Variants in CDC6 observed in about 807,000 individuals in gnomAD.
CDC6 encodes the protein cell division cycle 6.
Under a neutral mutation model 60.2 loss-of-function variants are expected in CDC6, and 46 were observed. That is an observed-to-expected ratio of 0.76 (90% CI 0.60 to 0.98). CDC6 has a LOEUF of 0.98. Ranked by LOEUF, CDC6 falls within the 50% of genes least tolerant of loss-of-function variation. The pLI is 0.00. For missense variants in CDC6, 596 were observed against 652.9 expected, an observed-to-expected ratio of 0.91 and a Z score of 0.95; for synonymous variants, 210 against 233.2, an observed-to-expected ratio of 0.90 and a Z score of 0.90.
rs139640991 is a variant in CDC6 at position 40,303,058 on chromosome 17, T to A, written c.*1057T>A. The A allele has an allele frequency of 7.0e-4, 106 of 152,340 alleles. No homozygotes were observed. Among genetic ancestry groups the A allele is most frequent in the African/African-American group, 2.4e-3 (98 of 41,570 alleles). 9.4% of individuals were successfully genotyped at this position (152,340 alleles called of 1,614,324 possible). A position where few individuals can be genotyped will look rare whatever the true frequency, so the allele number is the denominator to read the frequency against. On this transcript the variant is annotated 3_prime_UTR_variant, in exon 12 of 12. Coordinates refer to ENST00000209728, the MANE Select transcript of CDC6 (RefSeq NM_001254.4). ...TTGTTTCAAGATGACTACTTTGGGG[T>A]TGGGTTTTCATCTAAACACATTTTT...
chr17:40,303,921 C>T lies in CDC6; in HGVS notation c.*1920C>T, dbSNP rs574161059. 3 of 152,222 alleles carry T rather than the reference C, an allele frequency of 2.0e-5. No homozygotes were observed. Among genetic ancestry groups the T allele is most frequent in the Non-Finnish European group, 2.9e-5 (2 of 68,046 alleles). 9.4% of individuals were successfully genotyped at this position (152,222 alleles called of 1,614,324 possible). A position where few individuals can be genotyped will look rare whatever the true frequency, so the allele number is the denominator to read the frequency against. ...TCTGTGTCCACAGTAGGATCCTGCC[C>T]AATAAGGAGCAGCCTCCCCACCTCA... On this transcript the variant is annotated 3_prime_UTR_variant, in exon 12 of 12. Coordinates refer to ENST00000209728, the MANE Select transcript of CDC6 (RefSeq NM_001254.4).
intron 9 of CDC6, among the ~76,000 whole-genome samples, chr17:40,297,493 G>A (rs1184227686): frequency 6.6e-6 from 1 of 152,188 alleles, no homozygotes; most frequent in Non-Finnish European, 1.5e-5. Context: ...GGAGGCCAAA[G>A]GGAGGGAGAG....
In CDC6 at chr17:40,302,508, C is replaced by T. The variant is rs1476232149; in HGVS notation, c.*507C>T. On this transcript the variant is annotated 3_prime_UTR_variant, in exon 12 of 12. Coordinates refer to ENST00000209728, the MANE Select transcript of CDC6 (RefSeq NM_001254.4). ...TAGCTGGGATTACAGGTGCCCACCA[C>T]CGCGCCCAGCTAATTTTTTAATTTT... 1 of 156,708 alleles carries T rather than the reference C, an allele frequency of 6.4e-6. No homozygotes were observed. 9.7% of individuals were successfully genotyped at this position (156,708 alleles called of 1,614,324 possible).
intron 11 of CDC6, 29 bp from the exon 12 acceptor site, chr17:40,301,883 T>C (rs758034043): frequency 2.1e-6 from 3 of 1,401,608 alleles, no homozygotes; most frequent in South Asian, 2.3e-5. Flanking sequence ...AGTTCCCCAG[T>C]GTGAAAAATC....
At chr17:40,288,297 G>A (rs2032692833) in intron 1 of CDC6, among the ~76,000 whole-genome samples, 1 of 152,244 alleles carries the variant, frequency 6.6e-6, no homozygotes, top group African/African-American at 2.4e-5. Flanking sequence ...AGACTGAGCT[G>A]CAGTGTGAGG....
At chr17:40,300,067 A>AT (rs2032915482) in intron 9 of CDC6, among the ~76,000 whole-genome samples, 4 of 151,596 alleles carry the variant, frequency 2.6e-5, no homozygotes, top group South Asian at 4.2e-4. Context: ...GGTTCAAGTG[A>AT]TTCTTCTGCC....
chr17:40,294,831 T>C (rs1250017438), intron 7 of CDC6, among the ~76,000 whole-genome samples: 3 of 151,884 alleles, frequency 2.0e-5, no homozygotes, highest in African/African-American at 4.8e-5. Context: ...TTCAAGCGAT[T>C]CTCCTGCCTC....
At chr17:40,289,703 C>CTTTTTTTTTTTTTT (rs34020648) in intron 2 of CDC6, 105 bp downstream of exon 2, 1 of 244,860 alleles carries the variant, frequency 4.1e-6, no homozygotes, top group Non-Finnish European at 7.5e-6. Context: ...GTTAAGACTT[C>CTTTTTTTTTTTTTT]TTTTTTTTTT....
intron 10 of CDC6, 93 bp downstream of exon 10, chr17:40,301,123 G>C (rs1466014611): frequency 2.3e-6 from 2 of 884,388 alleles, no homozygotes; most frequent in Non-Finnish European, 3.8e-6. Context: ...TACTTCAGCT[G>C]ATAATAAATT....
chr17:40,299,010 A>G (rs566717327), intron 9 of CDC6, among the ~76,000 whole-genome samples: 1 of 152,198 alleles, frequency 6.6e-6, no homozygotes, highest in South Asian at 2.1e-4. Context: ...TGGTAATGTA[A>G]TATTATAGAA....
Position 40,292,924 on chromosome 17 carries a change from C to T in CDC6, c.661-532C>T, listed in dbSNP as rs576544009. On this transcript the variant is annotated intron_variant, in intron 4 of 11. Transcript: ENST00000209728. ...CAGCATGGGCGACAGAGCAAGACTC[C>T]GTCTCAAAAAAAAAAAGAGTTAAGA... 3.2e-4 allele frequency among the ~76,000 whole-genome samples: 48 copies of T among 150,570 alleles called. 2 individuals are homozygous for T. In the South Asian group the frequency reaches 7.3e-3, roughly 23 times the overall value.
rs767496521 is a variant in CDC6, at chr17:40,300,920, T to C, written c.1342T>C (p.Leu448=). 29 of 1,613,930 alleles carry C rather than the reference T, an allele frequency of 1.8e-5. No homozygotes were observed. Among genetic ancestry groups the C allele is most frequent in the Admixed American group, 1.3e-4 (8 of 60,002 alleles). ...AGAAGTTGATGGTAACAGGATGACC[T>C]TGAGCCAAGAAGGAGCACAAGATTC... ...ISEVDGNRMT[L]SQEGAQDSFP... Residue 448 remains leucine (L), a synonymous_variant, in exon 10 of 12, where the codon TTG becomes CTG. Coordinates refer to ENST00000209728, the MANE Select transcript of CDC6 (RefSeq NM_001254.4).
intron 8 of CDC6, among the ~76,000 whole-genome samples, chr17:40,295,695 C>A (rs2032848655): frequency 6.6e-6 from 1 of 151,850 alleles, no homozygotes; most frequent in African/African-American, 2.4e-5. Flanking sequence ...GCTGGCACTC[C>A]CTGTGGTGAT....
chr17:40,294,452 A>G lies in CDC6; in HGVS notation c.1032A>G (p.Pro344=), dbSNP rs771147868. Residue 344 remains proline, a synonymous_variant, in exon 7 of 12, where the codon CCA becomes CCG. Coordinates refer to ENST00000209728, the MANE Select transcript of CDC6 (RefSeq NM_001254.4). The part of the protein sequence containing the change: ...EKCKPQLLNF[P]PYTRNQIVTI... ...GTAAGCCACAGCTGTTGAACTTCCC[A>G]CCTTATACCAGAAATCAGATAGTCA... The G allele has an allele frequency of 8.7e-6, 14 of 1,613,932 alleles. No individual in the cohort carries two copies. The highest frequency in any genetic ancestry group is 1.2e-5 in the Non-Finnish European group (14 of 1,179,820).
At chr17:40,293,824 G>C in intron 5 of CDC6, 126 bp from the exon 6 acceptor site, 1 of 938,108 alleles carries the variant, frequency 1.1e-6, no homozygotes, top group Non-Finnish European at 1.8e-6. Flanking sequence ...GCAGTAACTA[G>C]AGATAGGTTA....
At chr17:40,298,183 T>G (rs563743410) in intron 9 of CDC6, among the ~76,000 whole-genome samples, 201 of 152,316 alleles carry the variant, frequency 1.3e-3, no homozygotes, top group Non-Finnish European at 2.4e-3. Context: ...TAGTAGGCAA[T>G]ATATACCAAT....
chr17:40,292,756 C>A (rs1476656107), intron 4 of CDC6, among the ~76,000 whole-genome samples: 1 of 151,092 alleles, frequency 6.6e-6, no homozygotes, highest in Non-Finnish European at 1.5e-5. Context: ...AGTGAAACCC[C>A]GTCTCTACTA....
chr17:40,293,543 A>C lies in CDC6; in HGVS notation c.748A>C (p.Ile250Leu). The C allele has an allele frequency of 6.2e-7, 1 of 1,613,828 alleles. No individual in the cohort carries two copies. The highest frequency in any genetic ancestry group is 8.5e-7 in the Non-Finnish European group (1 of 1,179,810). The change falls in exon 5 of 12, where the codon ATT (isoleucine) becomes CTT (leucine). Residue 250 changes from isoleucine (I) to leucine (L), a missense_variant. Transcript: ENST00000209728. The part of the protein sequence containing the change: ...QAVFPAIAQE[I>L]CQEEVSRPAG... ...TGTATTCCCAGCTATTGCTCAGGAG[A>C]TTTGTCAGGAAGAGGTATCCAGGCC...
At position 40,295,435 on chromosome 17, in the gene CDC6, G is replaced by T; in HGVS notation, c.1163G>T (p.Arg388Leu). The T allele has an allele frequency of 6.2e-7, 1 of 1,610,804 alleles. No homozygotes were observed. Among genetic ancestry groups the T allele is most frequent in the Non-Finnish European group, 8.5e-7 (1 of 1,177,494 alleles). The change falls in exon 8 of 12, where the codon CGC (arginine) becomes CTC (leucine). Residue 388 changes from arginine (R) to leucine (L), a missense_variant. Transcript: ENST00000209728. ...RKVSAVSGDVRKALDVCRRAI... is the reference protein window; with the variant it reads ...RKVSAVSGDVLKALDVCRRAI... ...GTCTCTGCTGTTTCAGGAGATGTTC[G>T]CAAAGCACTGGATGTTTGCAGGTGA...
Sources: allele counts gnomAD v4.1 joint callset (sites outside exome capture counted in the v4.1 genomes callset), GRCh38; gene constraint gnomAD v4.1.1; transcripts MANE v1.5; gene names NCBI Gene and HGNC (gene_info 2026-07-23, HGNC 2026-07-21).